DPYD: variants seen among roughly 807,000 people sequenced by gnomAD.
The protein encoded by DPYD is dihydropyrimidine dehydrogenase.
A neutral mutation model predicts 116.2 loss-of-function variants in DPYD; 109 were observed. That is an observed-to-expected ratio of 0.94 (90% CI 0.80 to 1.10). The LOEUF is 1.10. DPYD is among the 50% of genes least tolerant of loss of function. The pLI is 0.00. For synonymous variants in DPYD, 440 were observed against 432.0 expected (o/e 1.02, Z -0.23); for missense variants, 1,302 against 1,254.5 (o/e 1.04, Z -0.57).
At chr1:97,112,668 C>A (rs972882026) in intron 20 of DPYD, among the ~76,000 whole-genome samples, 8 of 152,092 alleles carry the variant, frequency 5.3e-5, no homozygotes, top group Non-Finnish European at 1.0e-4. Flanking sequence ...ACCTGCTTTC[C>A]CGTGATTTCC....
chr1:97,549,994 G>A (rs562706732), intron 11 of DPYD, among the ~76,000 whole-genome samples: 2 of 152,122 alleles, frequency 1.3e-5, no homozygotes, highest in African/African-American at 2.4e-5. Context: ...GTTTCAGAGC[G>A]GACATTTATG....
At chr1:97,326,832 TAACTGTGTTTTA>T (rs949856853) in intron 16 of DPYD, among the ~76,000 whole-genome samples, 5 of 152,012 alleles carry the variant, frequency 3.3e-5, no homozygotes, top group African/African-American at 1.2e-4. Context: ...TCAGAGTCTA[TAACTGTGTTTTA>T]CATAAAATAC....
At chr1:97,744,472 C>T (rs1399219438) in intron 3 of DPYD, among the ~76,000 whole-genome samples, 2 of 151,964 alleles carry the variant, frequency 1.3e-5, no homozygotes, top group African/African-American at 4.8e-5. Flanking sequence ...AACACATACA[C>T]ACAAAGCTAT....
intron 14 of DPYD, among the ~76,000 whole-genome samples, chr1:97,416,376 CT>C (rs1674290641): frequency 6.6e-6 from 1 of 152,162 alleles, no homozygotes; most frequent in Non-Finnish European, 1.5e-5. Context: ...TATCCAGTGA[CT>C]GTGTATGGTG....
chr1:97,134,017 ATATATATATATATATAT>A lies in DPYD; in HGVS notation c.2623-35402_2623-35386del, dbSNP rs1653583188. Among the ~76,000 whole-genome samples the A allele has an allele frequency of 1.4e-3, 23 of 16,138 alleles. 3 individuals carry two copies. Among genetic ancestry groups the A allele is most frequent in the Non-Finnish European group, 1.8e-3 (12 of 6,816 alleles). The allele number at this position is 16,138 out of a possible 152,430, so 10.6% of individuals were successfully genotyped here. On this transcript the variant is annotated intron_variant, in intron 20 of 22. Coordinates refer to ENST00000370192, the MANE Select transcript of DPYD (RefSeq NM_000110.4). ...CTGTTTCAAAAAAAAAAAAAAAAAT[ATATATATATATATATAT>A]ATATATATATATATATATATATATA...
rs1293081560 is a variant in DPYD at position 97,224,999 on chromosome 1, GTCTGTCTATCTATCTATCTATCTATCTA to G, written c.2442+9825_2442+9852del. Among the ~76,000 whole-genome samples, 169 of 142,366 alleles carry G rather than the reference GTCTGTCTATCTATCTATCTATCTATCTA, an allele frequency of 1.2e-3. 1 individual carries two copies. Among genetic ancestry groups the G allele is most frequent in the African/African-American group, 4.2e-3 (159 of 38,312 alleles). 93.4% of individuals were successfully genotyped at this position (142,366 alleles called of 152,430 possible). A position where few individuals can be genotyped will look rare whatever the true frequency, so the allele number is the denominator to read the frequency against. ...TACAGATCTATCTAACTATCTGTCT[GTCTGTCTATCTATCTATCTATCTATCTA>G]TCTATCTATCTATCTATCTATCTAT... On this transcript the variant is annotated intron_variant, in intron 19 of 22. Coordinates refer to ENST00000370192, the MANE Select transcript of DPYD (RefSeq NM_000110.4).
intron 5 of DPYD, among the ~76,000 whole-genome samples, chr1:97,719,142 A>C (rs992807714): frequency 7.8e-5 from 11 of 141,836 alleles, no homozygotes; most frequent in Non-Finnish European, 1.4e-4. Context: ...GAATGACAAC[A>C]CAAGATCCAC....
At chr1:97,917,510 A>G (rs2101720527) in intron 1 of DPYD, among the ~76,000 whole-genome samples, 1 of 152,336 alleles carries the variant, frequency 6.6e-6, no homozygotes, top group Middle Eastern at 3.4e-3. Context: ...ACCTTTTCAA[A>G]TGAATAGAAG....
intron 19 of DPYD, among the ~76,000 whole-genome samples, chr1:97,203,606 C>T (rs1659363268): frequency 6.9e-6 from 1 of 145,894 alleles, no homozygotes; most frequent in African/African-American, 2.5e-5. Flanking sequence ...GCACATGTAC[C>T]CTAAAACTTA....
At chr1:97,545,558 T>C in intron 12 of DPYD, 1 of 448,906 alleles carries the variant, frequency 2.2e-6, no homozygotes, top group Non-Finnish European at 3.9e-6. Flanking sequence ...ATGAAGATGT[T>C]TGGTGAATAT....
intron 11 of DPYD, among the ~76,000 whole-genome samples, chr1:97,563,048 A>G (rs1311271639): frequency 2.0e-5 from 3 of 152,118 alleles, no homozygotes; most frequent in African/African-American, 7.2e-5. Flanking sequence ...AGTATTTTAG[A>G]TAGGGATGTT....
chr1:97,546,077 C>T, intron 12 of DPYD: 1 of 1,407,438 alleles, frequency 7.1e-7, no homozygotes, highest in East Asian at 2.3e-5. Context: ...CAGTAGGATC[C>T]TTAGTTACAG....
intron 13 of DPYD, among the ~76,000 whole-genome samples, chr1:97,452,598 C>G (rs1208434169): frequency 6.6e-6 from 1 of 152,080 alleles, no homozygotes; most frequent in Non-Finnish European, 1.5e-5. Context: ...GAGGTGGGGC[C>G]TGGTGGAAAT....
intron 2 of DPYD, among the ~76,000 whole-genome samples, chr1:97,878,660 C>A (rs1672035679): frequency 6.6e-6 from 1 of 151,990 alleles, no homozygotes; most frequent in Admixed American, 6.6e-5. Context: ...TAAACCCAGT[C>A]CCAGAGACCT....
intron 8 of DPYD, among the ~76,000 whole-genome samples, chr1:97,654,505 G>A (rs1238518767): frequency 6.6e-6 from 1 of 151,978 alleles, no homozygotes; most frequent in Admixed American, 6.6e-5. Context: ...TTATAATAAA[G>A]TAATATATAT....
intron 16 of DPYD, among the ~76,000 whole-genome samples, chr1:97,348,379 A>G (rs1669966020): frequency 6.6e-6 from 1 of 152,198 alleles, no homozygotes; most frequent in Non-Finnish European, 1.5e-5. Context: ...AATTCTGCAA[A>G]ACCTTTTCAA....
At chr1:97,819,340 G>C (rs573277949) in intron 3 of DPYD, among the ~76,000 whole-genome samples, 99 of 151,862 alleles carry the variant, frequency 6.5e-4, no homozygotes, top group African/African-American at 2.3e-3. Context: ...AAATAGAAAA[G>C]AGTTGAAACA....
At chr1:97,676,885 C>G (rs1410551898) in intron 8 of DPYD, among the ~76,000 whole-genome samples, 2 of 152,160 alleles carry the variant, frequency 1.3e-5, no homozygotes, top group African/African-American at 4.8e-5. Context: ...AGCATAACTG[C>G]ATTCCTCACA....
At chr1:97,444,782 C>T (rs942371066) in intron 14 of DPYD, among the ~76,000 whole-genome samples, 6 of 152,022 alleles carry the variant, frequency 3.9e-5, no homozygotes, top group African/African-American at 9.7e-5. Context: ...GGTTCTTAAC[C>T]GGCGGTCCAG....
Sources: gnomAD v4.1 joint callset for allele counts (sites outside exome capture counted in the v4.1 genomes callset) on GRCh38, gnomAD v4.1.1 for gene constraint, MANE v1.5 for transcripts, NCBI Gene and HGNC (gene_info 2026-07-23, HGNC 2026-07-21) for gene names.